The following ZNF254 variants were observed in gnomAD, a reference collection of about 807,000 sequenced individuals.
The protein encoded by ZNF254 is CTD-2017D11.1.
A neutral mutation model predicts 12.4 loss-of-function variants in ZNF254; 10 were observed. The ratio of observed to expected loss-of-function variants is 0.80; its 90% CI spans 0.50 to 1.36. ZNF254 has a LOEUF of 1.36. ZNF254 is among the 40% of genes most tolerant of loss of function. The pLI is 0.00. For missense variants in ZNF254, 996 were observed against 763.9 expected (o/e 1.30, Z -3.58); for synonymous variants, 305 against 253.4 (o/e 1.20, Z -1.93).
At chr19:24,124,463 G>C (rs1049019022) in intron 3 of ZNF254, among the ~76,000 whole-genome samples, 3 of 152,008 alleles carry the variant, frequency 2.0e-5, no homozygotes, top group African/African-American at 7.2e-5. Flanking sequence ...ATATGATTCT[G>C]TGTTTTTATT....
chr19:24,041,158 C>T (rs1380769048), intron 1 of ZNF254, among the ~76,000 whole-genome samples: 1 of 152,264 alleles, frequency 6.6e-6, no homozygotes, highest in Non-Finnish European at 1.5e-5. Flanking sequence ...TGCTGGCAGT[C>T]CTCAGAGCCC....
At chr19:24,091,138 A>T (rs1568449783) in intron 1 of ZNF254, among the ~76,000 whole-genome samples, 1 of 151,490 alleles carries the variant, frequency 6.6e-6, no homozygotes, top group Non-Finnish European at 1.5e-5. Context: ...TAGTAGAGAC[A>T]GGGTTTCACC....
At chr19:24,112,437 T>C (rs1268492697) in intron 3 of ZNF254, among the ~76,000 whole-genome samples, 1 of 148,220 alleles carries the variant, frequency 6.7e-6, no homozygotes, top group Non-Finnish European at 1.5e-5. Flanking sequence ...ATGCGGGCTC[T>C]TTTTTGGTTC....
chr19:24,103,507 C>A (rs1343079115), intron 1 of ZNF254, among the ~76,000 whole-genome samples: 4 of 152,150 alleles, frequency 2.6e-5, no homozygotes, highest in African/African-American at 9.7e-5. Context: ...ACTCTCTTTA[C>A]TTGTGCCCTT....
At chr19:24,124,638 AC>A (rs967304724) in intron 3 of ZNF254, among the ~76,000 whole-genome samples, 24 of 149,564 alleles carry the variant, frequency 1.6e-4, no homozygotes, top group African/African-American at 5.6e-4. Flanking sequence ...AATTAATTAA[AC>A]CTTTTTTTTT....
chr19:24,118,200 C>T (rs963872834), intron 3 of ZNF254, among the ~76,000 whole-genome samples: 12 of 151,688 alleles, frequency 7.9e-5, no homozygotes, highest in Non-Finnish European at 1.0e-4. Flanking sequence ...ATTACAGGCA[C>T]GTGCCACCAC....
chr19:24,048,900 C>T (rs1183664284), intron 2 of ZNF254: 1 of 151,926 alleles, frequency 6.6e-6, no homozygotes, highest in Non-Finnish European at 1.5e-5. Context: ...ACCACACTGG[C>T]ACATTATTTT....
intron 2 of ZNF254, among the ~76,000 whole-genome samples, chr19:24,071,463 G>T (rs1212440330): frequency 1.3e-5 from 2 of 152,176 alleles, no homozygotes; most frequent in Admixed American, 6.5e-5. Flanking sequence ...CCATGCCTGG[G>T]TGCTTCCCAC....
intron 2 of ZNF254, among the ~76,000 whole-genome samples, chr19:24,055,271 CTCTTTT>C (rs1433762836): frequency 2.2e-5 from 3 of 135,118 alleles, no homozygotes; most frequent in East Asian, 5.2e-4. Flanking sequence ...AGGAGATTTT[CTCTTTT>C]TCTTTTTCTT....
intron 1 of ZNF254, chr19:24,046,085 A>G (rs1970372147): frequency 6.6e-6 from 1 of 152,082 alleles, no homozygotes; most frequent in Non-Finnish European, 1.5e-5. Context: ...AATTTTTAAA[A>G]ATCTTATATA....
chr19:24,113,883 C>T (rs1973865174), intron 3 of ZNF254, among the ~76,000 whole-genome samples: 2 of 152,104 alleles, frequency 1.3e-5, no homozygotes, highest in African/African-American at 2.4e-5. Context: ...CATTCTTATA[C>T]ACCAATAACA....
At chr19:24,045,764 C>T (rs1299336945) in intron 1 of ZNF254, among the ~76,000 whole-genome samples, 4 of 151,874 alleles carry the variant, frequency 2.6e-5, no homozygotes, top group Admixed American at 2.6e-4. Flanking sequence ...ATAAAGGACT[C>T]CTGAATTAGT....
At chr19:24,040,035 G>C (rs561422528) in intron 1 of ZNF254, among the ~76,000 whole-genome samples, 1 of 152,184 alleles carries the variant, frequency 6.6e-6, no homozygotes, top group African/African-American at 2.4e-5. Context: ...TCAAGTTCTT[G>C]TTGGTCCAGC....
intron 1 of ZNF254, among the ~76,000 whole-genome samples, chr19:24,039,411 TTG>T (rs1045936262): frequency 1.9e-4 from 21 of 108,110 alleles, no homozygotes; most frequent in African/African-American, 6.4e-4. Flanking sequence ...GAAAGTTTTT[TTG>T]TTGTTGTTTT....
At chr19:24,068,701 G>T (rs1224141162) in intron 2 of ZNF254, among the ~76,000 whole-genome samples, 1 of 152,152 alleles carries the variant, frequency 6.6e-6, no homozygotes, top group African/African-American at 2.4e-5. Flanking sequence ...CTTCAAAAAA[G>T]ATTGTGACAT....
chr19:24,063,882 CAG>C (rs1971172701), intron 2 of ZNF254: 1 of 151,772 alleles, frequency 6.6e-6, no homozygotes, highest in Non-Finnish European at 1.5e-5. Context: ...AGCCTGACCA[CAG>C]GGAGCATTGT....
intron 2 of ZNF254, among the ~76,000 whole-genome samples, chr19:24,048,269 G>A (rs562371240): frequency 1.1e-4 from 16 of 152,156 alleles, no homozygotes; most frequent in African/African-American, 3.6e-4. Context: ...CTTAGAGGCC[G>A]GCCACTGAGG....
At position 24,049,210 on chromosome 19, in the gene ZNF254, A is replaced by ATTTTTT. The variant is rs1256957447; in HGVS notation, c.-94+2932_-94+2933insTTTTTT. On this transcript the variant is annotated intron_variant, in intron 2 of 4. Transcript: ENST00000613065. The stretch of plus-strand genomic sequence containing the variant: ...TATATATATATATATATATATATAT[A>ATTTTTT]TATATTTTTTTTTTTTTTTTAATTT... Among the ~76,000 whole-genome samples, 17 of 46,194 alleles carry ATTTTTT rather than the reference A, an allele frequency of 3.7e-4. 1 individual carries two copies. Among genetic ancestry groups the ATTTTTT allele is most frequent in the African/African-American group, 1.1e-3 (11 of 9,854 alleles). 30.3% of individuals were successfully genotyped at this position (46,194 alleles called of 152,430 possible). A position where few individuals can be genotyped will look rare whatever the true frequency, so the allele number is the denominator to read the frequency against.
At chr19:24,082,980 A>G (rs1971904545), upstream of ZNF254, among the ~76,000 whole-genome samples, 1 of 152,182 alleles carries the variant, frequency 6.6e-6, no homozygotes, top group African/African-American at 2.4e-5. Flanking sequence ...CAATTAGAGA[A>G]AAGAAATAAG....
Sources: gnomAD v4.1 joint callset for allele counts (sites outside exome capture counted in the v4.1 genomes callset) on GRCh38, gnomAD v4.1.1 for gene constraint, MANE v1.5 for transcripts, NCBI Gene and HGNC (gene_info 2026-07-23, HGNC 2026-07-21) for gene names.